SORBS2: variants seen among roughly 807,000 people sequenced by gnomAD.
SORBS2 encodes sorbin and SH3 domain containing 2.
SORBS2 carries 46 observed loss-of-function variants against 97.7 expected under a neutral mutation model. The ratio of observed to expected loss-of-function variants is 0.47; its 90% CI spans 0.37 to 0.60. The LOEUF (loss-of-function observed/expected upper bound fraction) is 0.60, where lower values mean the gene tolerates loss of function less well. SORBS2 is among the 20% of genes least tolerant of loss of function. The pLI is 0.00. For missense variants in SORBS2, 1,316 were observed against 1,282.3 expected, an observed-to-expected ratio of 1.03 and a Z score of -0.40; for synonymous variants, 476 against 473.4, an observed-to-expected ratio of 1.01 and a Z score of -0.07.
At chr4:185,667,698 A>AT (rs11458739) in intron 4 of SORBS2, among the ~76,000 whole-genome samples, 143,209 of 146,742 alleles carry the variant, frequency 0.98, 69,974 homozygotes, top group East Asian at 1. Context: ...ATATATATAT[A>AT]TATATATACG....
At chr4:185,699,036 C>T (rs2153529254) in intron 2 of SORBS2, among the ~76,000 whole-genome samples, 1 of 152,254 alleles carries the variant, frequency 6.6e-6, no homozygotes, top group South Asian at 2.1e-4. Flanking sequence ...ACACCTGTTT[C>T]CTGAGCACCT....
intron 4 of SORBS2, among the ~76,000 whole-genome samples, chr4:185,662,977 T>C (rs1187167178): frequency 6.6e-6 from 1 of 152,256 alleles, no homozygotes; most frequent in Non-Finnish European, 1.5e-5. Flanking sequence ...ATATATATGC[T>C]TCTTTAATAT....
chr4:185,762,172 G>A (rs1024803607), intron 2 of SORBS2, among the ~76,000 whole-genome samples: 6 of 152,178 alleles, frequency 3.9e-5, no homozygotes, highest in African/African-American at 7.2e-5. Flanking sequence ...GACTAAGTTG[G>A]TATGAAGAAA....
Position 185,622,823 on chromosome 4 carries a change from C to A in SORBS2, c.2215+91G>T. On this transcript the variant is annotated intron_variant, in intron 7 of 14. Transcript: ENST00000418609. ...ATAACGACGCCAAATGGTCTCCCAG[C>A]TCGGGAGTGATGAGATGTTGGAATG... is the stretch of plus-strand genomic sequence containing the variant. 2.3e-6 allele frequency: 3 copies of A among 1,329,600 alleles called. No homozygotes were observed. In the South Asian group the frequency reaches 4.3e-5, roughly 19 times the overall value. The allele number at this position is 1,329,600 out of a possible 1,614,324, so 82.4% of individuals were successfully genotyped here.
chr4:185,872,648 C>T (rs1419810149), intron 1 of SORBS2, among the ~76,000 whole-genome samples: 1 of 152,156 alleles, frequency 6.6e-6, no homozygotes. Flanking sequence ...TTTTTCTAAG[C>T]CACCAGAGCC....
intron 1 of SORBS2, among the ~76,000 whole-genome samples, chr4:185,870,754 A>T (rs2099229970): frequency 6.6e-6 from 1 of 152,280 alleles, no homozygotes; most frequent in East Asian, 1.9e-4. Context: ...AGGTGATGTG[A>T]TGGGAAGGAG....
chr4:185,619,201 C>T (rs1463142499), intron 8 of SORBS2, among the ~76,000 whole-genome samples: 5 of 152,198 alleles, frequency 3.3e-5, no homozygotes, highest in Admixed American at 6.5e-5. Context: ...CCACCAGCCA[C>T]TCGTCTTTTA....
intron 11 of SORBS2, chr4:185,614,583 G>C: frequency 4.5e-6 from 2 of 444,228 alleles, no homozygotes; most frequent in East Asian, 3.8e-5. Flanking sequence ...CCCATGCCCG[G>C]CTTCCCAGAC....
chr4:185,624,262 G>C, exon 7 of SORBS2: 1 of 1,614,164 alleles, frequency 6.2e-7, no homozygotes, highest in African/African-American at 1.3e-5. Flanking sequence ...TTAGGAGATC[G>C]TCACAGCTCC....
At chr4:185,920,403 T>C (rs1371121129) in intron 1 of SORBS2, among the ~76,000 whole-genome samples, 1 of 152,212 alleles carries the variant, frequency 6.6e-6, no homozygotes, top group African/African-American at 2.4e-5. Flanking sequence ...TGGCTGTAAC[T>C]GGAGACCGTC....
chr4:185,847,814 G>A (rs1377693615), intron 1 of SORBS2, among the ~76,000 whole-genome samples: 1 of 152,158 alleles, frequency 6.6e-6, no homozygotes, highest in African/African-American at 2.4e-5. Flanking sequence ...CTGTTCATCA[G>A]GTAGAAACTG....
Position 185,628,057 on chromosome 4 carries a change from C to T in SORBS2, c.447-1038G>A, listed in dbSNP as rs370226998. ...GTCACATTCTATTATTACATGGATG[C>T]GCCACAGTTTATGTATCCATTCACC... On this transcript the variant is annotated intron_variant, in intron 5 of 14. Coordinates refer to ENST00000418609, the Ensembl canonical transcript of SORBS2. 6.6e-5 allele frequency among the ~76,000 whole-genome samples: 10 copies of T among 152,222 alleles called. No individual in the cohort carries two copies. In the East Asian group the frequency reaches 7.7e-4, roughly 12 times the overall value.
intron 1 of SORBS2, among the ~76,000 whole-genome samples, chr4:185,838,564 A>G (rs1210632779): frequency 2.0e-5 from 3 of 152,198 alleles, no homozygotes; most frequent in Non-Finnish European, 4.4e-5. Context: ...CCTCACTCCC[A>G]TGTGACACAA....
chr4:185,823,682 GA>G (rs2153671186), intron 1 of SORBS2, among the ~76,000 whole-genome samples: 1 of 152,194 alleles, frequency 6.6e-6, no homozygotes, highest in South Asian at 2.1e-4. Flanking sequence ...CTTGTTTTAT[GA>G]AACTTCTCAA....
chr4:185,741,932 T>G (rs182188079), intron 2 of SORBS2, among the ~76,000 whole-genome samples: 1 of 152,140 alleles, frequency 6.6e-6, no homozygotes, highest in Non-Finnish European at 1.5e-5. Context: ...CTGTGCTCAC[T>G]TTGTCTCACC....
Position 185,662,139 on chromosome 4 carries a change from T to C in SORBS2, c.59A>G (p.Asn20Ser), listed in dbSNP as rs747384590. The C allele has an allele frequency of 8.1e-6, 13 of 1,613,872 alleles. No homozygotes were observed. In the Admixed American group the frequency reaches 2.2e-4, roughly 27 times the overall value. Residue 20 changes from asparagine to serine, a missense_variant, in exon 5 of 21, where the codon AAC becomes AGC. Transcript: ENST00000284776. Reference sequence around the variant, plus strand: ...GCCGTGCTGCATGACAATGCTGGAGTTGAGTGAGGCTGGGAGAGAATATGC... The same window carrying C: ...GCCGTGCTGCATGACAATGCTGGAGCTGAGTGAGGCTGGGAGAGAATATGC...
At chr4:185,587,304 CTTTTT>C (rs33934418) in exon 15 of SORBS2, 95 of 157,764 alleles carry the variant, frequency 6.0e-4, no homozygotes, top group South Asian at 1.6e-3. Flanking sequence ...CCTGGAGACA[CTTTTT>C]TTTTTTTTTT....
chr4:185,866,087 G>A (rs554466397), intron 1 of SORBS2, among the ~76,000 whole-genome samples: 1 of 152,310 alleles, frequency 6.6e-6, no homozygotes, highest in South Asian at 2.1e-4. Flanking sequence ...CCATATTTAA[G>A]AGTGTTTTCT....
At chr4:185,878,221 T>C (rs2099234768) in intron 1 of SORBS2, among the ~76,000 whole-genome samples, 1 of 152,156 alleles carries the variant, frequency 6.6e-6, no homozygotes, top group East Asian at 1.9e-4. Context: ...ACCAGATAAG[T>C]GTTTTTGAAT....
Sources: allele counts gnomAD v4.1 joint callset (sites outside exome capture counted in the v4.1 genomes callset), GRCh38; gene constraint gnomAD v4.1.1; transcripts MANE v1.5; gene names NCBI Gene and HGNC (gene_info 2026-07-23, HGNC 2026-07-21).